Variants in NAPG observed in about 807,000 individuals in gnomAD.
NAPG encodes the protein gamma-soluble NSF attachment protein.
A neutral mutation model predicts 48.4 loss-of-function variants in NAPG; 25 were observed. That is an observed-to-expected ratio of 0.52 (90% confidence interval 0.38 to 0.72). NAPG has a LOEUF of 0.72. NAPG is among the 30% of genes least tolerant of loss of function. NAPG has a pLI of 0.00. For missense variants in NAPG, 359 were observed against 372.5 expected, an observed-to-expected ratio of 0.96 and a Z score of 0.30; for synonymous variants, 139 against 127.2, an observed-to-expected ratio of 1.09 and a Z score of -0.62.
intron 1 of NAPG, among the ~76,000 whole-genome samples, chr18:10,529,968 T>C (rs1412375562): frequency 6.6e-6 from 1 of 152,164 alleles, no homozygotes; most frequent in Non-Finnish European, 1.5e-5. Context: ...CACACCCAAA[T>C]TTGACAGTTA....
intron 1 of NAPG, among the ~76,000 whole-genome samples, chr18:10,528,630 A>G (rs925111794): frequency 6.6e-6 from 1 of 152,228 alleles, no homozygotes; most frequent in Admixed American, 6.5e-5. Flanking sequence ...TAAGGTTGAC[A>G]TGCTTTAATG....
Position 10,551,627 on chromosome 18 carries a change from G to C in NAPG, c.*1407G>C, listed in dbSNP as rs1346457448. 6.6e-6 allele frequency: 1 copy of C among 152,140 alleles called. No homozygotes were observed. Among genetic ancestry groups the C allele is most frequent in the African/African-American group, 2.4e-5 (1 of 41,436 alleles). 9.4% of individuals were successfully genotyped at this position (152,140 alleles called of 1,614,324 possible). On this transcript the variant is annotated 3_prime_UTR_variant, in exon 12 of 12. Coordinates refer to ENST00000322897, the MANE Select transcript of NAPG (RefSeq NM_003826.3). ...GCCAAAGTAATTCCTGCTCATCCAT[G>C]CCCTGTCTCTGTCTCTTTTAGAGTC...
At chr18:10,526,269 C>G in intron 1 of NAPG, 111 bp downstream of exon 1, 1 of 771,474 alleles carries the variant, frequency 1.3e-6, no homozygotes, top group South Asian at 1.5e-5. Flanking sequence ...TGAGGGGCCT[C>G]GGCGCGCTGG....
intron 5 of NAPG, among the ~76,000 whole-genome samples, chr18:10,535,973 A>T (rs1041502032): frequency 3.3e-5 from 5 of 152,100 alleles, no homozygotes; most frequent in Non-Finnish European, 5.9e-5. Context: ...TGGTCTTCTT[A>T]TGTCTCATTT....
rs2032206062 is a variant in NAPG, at chr18:10,543,832, G to A, written c.507-2494G>A. On this transcript the variant is annotated intron_variant, in intron 8 of 11. Coordinates refer to ENST00000322897, the MANE Select transcript of NAPG (RefSeq NM_003826.3). This position sits in a 1 kb window ranked among gnomAD's most constrained non-coding sequence, Gnocchi z 4.4. ...TATAATAAGTAACTAATACTTTTCT[G>A]GATACATTTAAAAATAGATGGCTTT... is the stretch of plus-strand genomic sequence containing the variant. Among the ~76,000 whole-genome samples the A allele has an allele frequency of 6.6e-6, 1 of 152,154 alleles. No homozygotes were observed. The highest frequency in any genetic ancestry group is 2.1e-4 in the South Asian group (1 of 4,830).
Position 10,532,980 on chromosome 18 carries a change from C to G in NAPG, c.209+185C>G, listed in dbSNP as rs116662191. 3.2e-3 allele frequency: 1,728 copies of G among 540,738 alleles called. 26 individuals carry two copies. Among genetic ancestry groups the G allele is most frequent in the African/African-American group, 0.03 (1,569 of 52,320 alleles). 33.5% of individuals were successfully genotyped at this position (540,738 alleles called of 1,614,324 possible). A position where few individuals can be genotyped will look rare whatever the true frequency, so the allele number is the denominator to read the frequency against. Reference sequence around the variant, plus strand: ...TATAATGAAGTTTGATTATAAGGTCCACACTGGTTCGCAGAGCTACAATAC... The same window carrying G: ...TATAATGAAGTTTGATTATAAGGTCGACACTGGTTCGCAGAGCTACAATAC... On this transcript the variant is annotated intron_variant, in intron 3 of 11. Coordinates refer to ENST00000322897, the MANE Select transcript of NAPG (RefSeq NM_003826.3).
chr18:10,543,146 A>G lies in NAPG; in HGVS notation c.506+2747A>G, dbSNP rs1021992453. On this transcript the variant is annotated intron_variant, in intron 8 of 11. Coordinates refer to ENST00000322897, the MANE Select transcript of NAPG (RefSeq NM_003826.3). The surrounding 1 kb of genome is among the most constrained non-coding windows in gnomAD (Gnocchi z 4.4). ...TGAGACTCCCATCTCAAAAAAAAAA[A>G]AAAAGAAAAGAAAAGAAAAAAAGAC... Among the ~76,000 whole-genome samples, 29 of 146,812 alleles carry G rather than the reference A, an allele frequency of 2.0e-4. No individual in the cohort carries two copies. Among genetic ancestry groups the G allele is most frequent in the South Asian group, 4.2e-4 (2 of 4,792 alleles).
intron 11 of NAPG, 90 bp downstream of exon 11, chr18:10,549,186 AT>A (rs1341774373): frequency 1.4e-6 from 2 of 1,440,764 alleles, no homozygotes; most frequent in Admixed American, 2.3e-5. Context: ...TACTTAAGAG[AT>A]TTTTTCCTAC....
intron 8 of NAPG, among the ~76,000 whole-genome samples, chr18:10,545,305 C>T (rs556629307): frequency 6.6e-6 from 1 of 152,214 alleles, no homozygotes; most frequent in Admixed American, 6.5e-5. Context: ...GAGTGAGACT[C>T]CGTCTCAAAA....
chr18:10,548,250 C>A lies in NAPG; in HGVS notation c.586-49C>A. On this transcript the variant is annotated intron_variant, in intron 9 of 11. Transcript: ENST00000322897. This position sits in a 1 kb window ranked among gnomAD's most constrained non-coding sequence, Gnocchi z 4.4. ...GTTTTCAATACTGCCAGGTTATTGA[C>A]TTTATTAAACAGATGTAAATTTGAC... is the stretch of plus-strand genomic sequence containing the variant. 1 of 1,407,006 alleles carries A rather than the reference C, an allele frequency of 7.1e-7. No homozygotes were observed. Among genetic ancestry groups the A allele is most frequent in the Non-Finnish European group, 1.0e-6 (1 of 993,904 alleles). The allele number at this position is 1,407,006 out of a possible 1,614,324, so 87.2% of individuals were successfully genotyped here.
In NAPG at chr18:10,552,087, A is replaced by G. The variant is rs1295371636; in HGVS notation, c.*1867A>G. ...AATCTGTTTAAACAGATTTGGCAAT[A>G]CTTTAAAGATACTGTAGACTATTTA... is the stretch of plus-strand genomic sequence containing the variant. On this transcript the variant is annotated 3_prime_UTR_variant, in exon 12 of 12. Coordinates refer to ENST00000322897, the MANE Select transcript of NAPG (RefSeq NM_003826.3). 6.6e-6 allele frequency: 1 copy of G among 152,230 alleles called. No individual in the cohort carries two copies. Among genetic ancestry groups the G allele is most frequent in the Non-Finnish European group, 1.5e-5 (1 of 68,036 alleles). 9.4% of individuals were successfully genotyped at this position (152,230 alleles called of 1,614,324 possible).
intron 5 of NAPG, among the ~76,000 whole-genome samples, chr18:10,536,920 T>C (rs1390174759): frequency 6.6e-6 from 1 of 151,734 alleles, no homozygotes; most frequent in African/African-American, 2.4e-5. Flanking sequence ...ACTCTACATA[T>C]AACTTTTTAC....
chr18:10,540,683 G>A (rs1026114703), intron 8 of NAPG: 2 of 276,424 alleles, frequency 7.2e-6, no homozygotes, highest in African/African-American at 4.4e-5. Flanking sequence ...TCCTTCATCT[G>A]TTACTTGGTT....
At position 10,526,096 on chromosome 18, in the gene NAPG, T is replaced by A. The variant is rs1446297291; in HGVS notation, c.-7T>A. 20 of 1,612,772 alleles carry A rather than the reference T, an allele frequency of 1.2e-5. No homozygotes were observed. Among genetic ancestry groups the A allele is most frequent in the Non-Finnish European group, 1.7e-5 (20 of 1,179,006 alleles). The stretch of plus-strand genomic sequence containing the variant: ...CCTCTCTCCACGTCAGAGACCTGAC[T>A]GTGGAGATGGCGGCTCAGAAGATAA... On this transcript the variant is annotated 5_prime_UTR_variant, in exon 1 of 12. Coordinates refer to ENST00000322897, the MANE Select transcript of NAPG (RefSeq NM_003826.3).
intron 1 of NAPG, chr18:10,526,843 C>T (rs2031824515): frequency 6.6e-6 from 1 of 152,302 alleles, no homozygotes; most frequent in South Asian, 2.1e-4. Context: ...AGCCTCTTCC[C>T]CCCGTTTCAT....
chr18:10,552,274 G>A lies in NAPG; in HGVS notation c.*2054G>A, dbSNP rs1310054684. 1 of 152,240 alleles carries A rather than the reference G, an allele frequency of 6.6e-6. No individual in the cohort carries two copies. Among genetic ancestry groups the A allele is most frequent in the African/African-American group, 2.4e-5 (1 of 41,464 alleles). The allele number at this position is 152,240 out of a possible 1,614,324, so 9.4% of individuals were successfully genotyped here. On this transcript the variant is annotated 3_prime_UTR_variant, in exon 12 of 12. Coordinates refer to ENST00000322897, the MANE Select transcript of NAPG (RefSeq NM_003826.3). ...AAACCACACAAAAGGCTGTGTCCAG[G>A]TGCAGCCTCCTTCACCCTTCCTGCC...
chr18:10,537,380 C>T (rs1212178640), intron 5 of NAPG, among the ~76,000 whole-genome samples: 5 of 152,166 alleles, frequency 3.3e-5, no homozygotes, highest in East Asian at 3.9e-4. Context: ...TTAAGAAAAT[C>T]GTAAGGAAGA....
chr18:10,526,048 G>T lies in NAPG; in HGVS notation c.-55G>T. The T allele has an allele frequency of 6.4e-7, 1 of 1,553,144 alleles. No individual in the cohort carries two copies. On this transcript the variant is annotated 5_prime_UTR_variant, in exon 1 of 12. Transcript: ENST00000322897. ...ACGCCTATTTGGGCGGATTCTTGGC[G>T]CCGGAGGAAGAGGCAGGGTCACCCT... is the stretch of plus-strand genomic sequence containing the variant.
In NAPG at chr18:10,546,972, G is replaced by T. The variant is rs1383711901; in HGVS notation, c.585+568G>T. 6.6e-6 allele frequency among the ~76,000 whole-genome samples: 1 copy of T among 152,188 alleles called. No individual in the cohort carries two copies. Among genetic ancestry groups the T allele is most frequent in the Non-Finnish European group, 1.5e-5 (1 of 68,038 alleles). Reference sequence around the variant, plus strand: ...CAGTCTCTTTTGCCAGAGGAACTAGGAAAATGAGCTAGAGAGCAAGGAGAA... The same window carrying T: ...CAGTCTCTTTTGCCAGAGGAACTAGTAAAATGAGCTAGAGAGCAAGGAGAA... On this transcript the variant is annotated intron_variant, in intron 9 of 11. Transcript: ENST00000322897. This position sits in a 1 kb window ranked among gnomAD's most constrained non-coding sequence, Gnocchi z 4.0.
Sources: gnomAD v4.1 joint callset for allele counts (sites outside exome capture counted in the v4.1 genomes callset) on GRCh38, gnomAD v4.1.1 for gene constraint, Gnocchi (gnomAD v3.1) non-coding constraint, MANE v1.5 for transcripts, NCBI Gene and HGNC (gene_info 2026-07-23, HGNC 2026-07-21) for gene names.